The following EPCIP variants were observed in gnomAD, a reference collection of about 807,000 sequenced individuals.
EPCIP encodes exosomal polycystin 1 interacting protein.
At chr21:32,812,946 T>A in the EPCIP span, among the ~76,000 whole-genome samples, 2 of 152,206 alleles carry the variant, frequency 1.3e-5, no homozygotes, top group African/African-American at 4.8e-5. Flanking sequence ...ACCAATTTTT[T>A]AAAAACACGA....
chr21:32,807,687 ATTC>A, the EPCIP span: 1 of 152,230 alleles, frequency 6.6e-6, no homozygotes, highest in Non-Finnish European at 1.5e-5. Context: ...CAAAATTCAT[ATTC>A]TTCTTCAGCG....
At chr21:32,800,276 G>A in the EPCIP span, among the ~76,000 whole-genome samples, 5 of 152,180 alleles carry the variant, frequency 3.3e-5, no homozygotes, top group Admixed American at 3.3e-4. Flanking sequence ...AATGTTGGGT[G>A]TAATCCTAGA....
the EPCIP span, among the ~76,000 whole-genome samples, chr21:32,805,256 G>C: frequency 6.6e-6 from 1 of 152,178 alleles, no homozygotes; most frequent in Non-Finnish European, 1.5e-5. Flanking sequence ...CAGGCCTACT[G>C]ACACCCTCAC....
chr21:32,807,220 T>A, the EPCIP span, among the ~76,000 whole-genome samples: 3 of 152,098 alleles, frequency 2.0e-5, no homozygotes, highest in African/African-American at 7.2e-5. Context: ...CCCCAGTCCT[T>A]AGCACAGGGC....
chr21:32,809,595 C>G, the EPCIP span, among the ~76,000 whole-genome samples: 1 of 151,964 alleles, frequency 6.6e-6, no homozygotes, highest in Non-Finnish European at 1.5e-5. Flanking sequence ...TCTACAACTT[C>G]TGGCCTCAAG....
At chr21:32,793,270 C>T in the EPCIP span, among the ~76,000 whole-genome samples, 10 of 152,074 alleles carry the variant, frequency 6.6e-5, no homozygotes, top group Non-Finnish European at 1.3e-4. Context: ...TTATAAAACT[C>T]ATAGTCCCCA....
chr21:32,809,604 A>T, the EPCIP span, among the ~76,000 whole-genome samples: 1 of 152,052 alleles, frequency 6.6e-6, no homozygotes, highest in African/African-American at 2.4e-5. Flanking sequence ...TCTGGCCTCA[A>T]GAGATCTTCC....
At chr21:32,799,615 G>C in the EPCIP span, among the ~76,000 whole-genome samples, 2 of 152,194 alleles carry the variant, frequency 1.3e-5, no homozygotes, top group South Asian at 4.1e-4. Flanking sequence ...TTCTTCTCTT[G>C]AGTCTTTCCC....
chr21:32,803,152 C>T, the EPCIP span, among the ~76,000 whole-genome samples: 1 of 152,312 alleles, frequency 6.6e-6, no homozygotes, highest in East Asian at 1.9e-4. Flanking sequence ...TTCCTCTTAA[C>T]TCCCTGATCA....
At chr21:32,792,024 C>T in the EPCIP span, among the ~76,000 whole-genome samples, 9 of 152,024 alleles carry the variant, frequency 5.9e-5, no homozygotes, top group Admixed American at 2.0e-4. Context: ...CCTGCCTCAG[C>T]CTCCTGAGTA....
chr21:32,791,734 GAAAA>G, the EPCIP span, among the ~76,000 whole-genome samples: 1 of 130,470 alleles, frequency 7.7e-6, no homozygotes, highest in Non-Finnish European at 1.6e-5. Flanking sequence ...AAGGTTAAGT[GAAAA>G]AAAAAAAAAA....
chr21:32,804,291 A>ATG, the EPCIP span, among the ~76,000 whole-genome samples: 3 of 148,752 alleles, frequency 2.0e-5, no homozygotes, highest in African/African-American at 4.9e-5. Context: ...ATATATATAT[A>ATG]TATATGAATA....
the EPCIP span, among the ~76,000 whole-genome samples, chr21:32,791,663 C>G: frequency 2.0e-5 from 3 of 151,294 alleles, no homozygotes; most frequent in African/African-American, 7.3e-5. Context: ...GCCTGAATGG[C>G]TAAATCCCCC....
At chr21:32,810,458 T>C in the EPCIP span, 1 of 345,274 alleles carries the variant, frequency 2.9e-6, no homozygotes, top group East Asian at 8.1e-5. Context: ...AGACGGGGTT[T>C]CACTGTGTTA....
the EPCIP span, among the ~76,000 whole-genome samples, chr21:32,808,664 CA>C: frequency 5.3e-5 from 8 of 150,738 alleles, no homozygotes; most frequent in East Asian, 3.9e-4. Flanking sequence ...GATCCTGGGA[CA>C]AAAAAAAGGA....
chr21:32,797,768 G>A, the EPCIP span: 1 of 151,158 alleles, frequency 6.6e-6, no homozygotes, highest in Non-Finnish European at 1.5e-5. Context: ...GACTCACTTG[G>A]GTAAAAAAAA....
At chr21:32,809,533 AATG>A in the EPCIP span, among the ~76,000 whole-genome samples, 2 of 151,400 alleles carry the variant, frequency 1.3e-5, no homozygotes, top group African/African-American at 4.9e-5. Context: ...ACCACTGGCT[AATG>A]TTTAAAATTT....
the EPCIP span, among the ~76,000 whole-genome samples, chr21:32,805,105 C>T: frequency 2.0e-5 from 3 of 152,170 alleles, no homozygotes; most frequent in African/African-American, 7.2e-5. Context: ...ATGTAATCAA[C>T]AGGGTCCTTA....
the EPCIP span, among the ~76,000 whole-genome samples, chr21:32,809,526 A>G: frequency 1.3e-5 from 2 of 151,510 alleles, no homozygotes; most frequent in East Asian, 3.9e-4. Flanking sequence ...GGTGCGTACC[A>G]CTGGCTAATG....
Sources: allele counts gnomAD v4.1 joint callset (sites outside exome capture counted in the v4.1 genomes callset), GRCh38; gene constraint gnomAD v4.1.1; transcripts MANE v1.5; gene names NCBI Gene and HGNC (gene_info 2026-07-23, HGNC 2026-07-21).